The following PLPPR5 variants were observed in gnomAD, a reference collection of about 807,000 sequenced individuals.
PLPPR5 encodes phospholipid phosphatase related 5.
In PLPPR5, 16 loss-of-function variants were observed where a neutral mutation model predicts 33.9. The ratio of observed to expected loss-of-function variants is 0.47; its 90% CI spans 0.32 to 0.72. PLPPR5 has a LOEUF of 0.72. Ranked by LOEUF, PLPPR5 falls within the 30% of genes least tolerant of loss-of-function variation. The pLI is 0.03. For synonymous variants in PLPPR5, 163 were observed against 150.3 expected (o/e 1.08, Z -0.62); for missense variants, 301 against 406.7 (o/e 0.74, Z 2.23).
At chr1:98,939,852 C>T (rs1313084799) in intron 3 of PLPPR5, among the ~76,000 whole-genome samples, 1 of 151,856 alleles carries the variant, frequency 6.6e-6, no homozygotes, top group East Asian at 1.9e-4. Flanking sequence ...GCCTCATTTT[C>T]GAGCCTCTCC....
chr1:98,976,758 G>A (rs1269965238), intron 1 of PLPPR5, among the ~76,000 whole-genome samples: 4 of 152,012 alleles, frequency 2.6e-5, no homozygotes, highest in African/African-American at 9.7e-5. Flanking sequence ...TTACATGTTA[G>A]AATATTTTGC....
chr1:98,907,103 T>C (rs1220893418), intron 5 of PLPPR5, among the ~76,000 whole-genome samples: 1 of 152,182 alleles, frequency 6.6e-6, no homozygotes, highest in African/African-American at 2.4e-5. Context: ...ATGTGTCAGC[T>C]ATCTTTCATC....
At chr1:98,932,373 G>A (rs1217666019) in intron 3 of PLPPR5, among the ~76,000 whole-genome samples, 5 of 152,106 alleles carry the variant, frequency 3.3e-5, no homozygotes, top group Non-Finnish European at 4.4e-5. Flanking sequence ...TGGAGACAGG[G>A]GTTATGTTTG....
intron 2 of PLPPR5, among the ~76,000 whole-genome samples, 178 bp from the exon 3 acceptor site, chr1:98,953,498 C>T (rs1472456686): frequency 6.6e-6 from 1 of 151,608 alleles, no homozygotes; most frequent in Non-Finnish European, 1.5e-5. Context: ...CAGTTCTTTC[C>T]TTGGCTTTCT....
chr1:98,896,689 A>G (rs1648486456), intron 5 of PLPPR5, among the ~76,000 whole-genome samples: 1 of 152,128 alleles, frequency 6.6e-6, no homozygotes, highest in Non-Finnish European at 1.5e-5. Context: ...AAGAGAAAGC[A>G]AACACGTTTC....
chr1:98,988,369 G>A (rs934542901), intron 1 of PLPPR5, among the ~76,000 whole-genome samples: 7 of 152,016 alleles, frequency 4.6e-5, no homozygotes, highest in Non-Finnish European at 8.8e-5. Flanking sequence ...TTATAAATGG[G>A]ATAACTGTAG....
In PLPPR5 at chr1:98,891,356, A is replaced by T. The variant is rs1648267146; in HGVS notation, c.*1716T>A. ...TTGCTGATCTCTGTTGAAATTACAG[A>T]GGAAATTAAAAGTTTGCTTTCTTTA... On this transcript the variant is annotated 3_prime_UTR_variant, in exon 6 of 6. Transcript: ENST00000263177. 6.6e-6 allele frequency: 1 copy of T among 152,084 alleles called. No homozygotes were observed. Among genetic ancestry groups the T allele is most frequent in the Admixed American group, 6.6e-5 (1 of 15,240 alleles). The allele number at this position is 152,084 out of a possible 1,614,324, so 9.4% of individuals were successfully genotyped here. A position where few individuals can be genotyped will look rare whatever the true frequency, so the allele number is the denominator to read the frequency against.
At chr1:98,939,241 A>G (rs2101188977) in intron 3 of PLPPR5, among the ~76,000 whole-genome samples, 1 of 152,146 alleles carries the variant, frequency 6.6e-6, no homozygotes, top group African/African-American at 2.4e-5. Flanking sequence ...AAATCAATAA[A>G]ATAATGATTA....
Position 98,981,104 on chromosome 1 carries a change from T to C in PLPPR5, c.237+23331A>G, listed in dbSNP as rs1652046685. ...ATTCCTTAAAACTCTAAACCAATAT[T>C]ATATTTTTTCTCTTTAGTTTACTAA... On this transcript the variant is annotated intron_variant, in intron 1 of 5. Coordinates refer to ENST00000263177, the MANE Select transcript of PLPPR5 (RefSeq NM_001037317.2). Among the ~76,000 whole-genome samples, 3 of 152,064 alleles carry C rather than the reference T, an allele frequency of 2.0e-5. No homozygotes were observed. In the South Asian group the frequency reaches 6.2e-4, roughly 31 times the overall value.
chr1:98,960,409 G>A (rs1651194933), intron 1 of PLPPR5, among the ~76,000 whole-genome samples: 1 of 152,038 alleles, frequency 6.6e-6, no homozygotes, highest in Admixed American at 6.5e-5. Context: ...TCACCATGTT[G>A]GCCAGGCTGG....
chr1:98,962,970 T>C (rs114286823), intron 1 of PLPPR5, among the ~76,000 whole-genome samples: 3,232 of 152,250 alleles, frequency 0.021, 48 homozygotes, highest in African/African-American at 0.036. Context: ...ATTTACAATT[T>C]TCAGTGTGTC....
intron 1 of PLPPR5, among the ~76,000 whole-genome samples, chr1:98,964,515 G>A (rs1188269047): frequency 4.6e-5 from 7 of 152,306 alleles, no homozygotes; most frequent in Admixed American, 3.3e-4. Context: ...GGACTCTGCT[G>A]GTAGACAGAG....
chr1:98,993,016 A>G (rs1349677707), intron 1 of PLPPR5, among the ~76,000 whole-genome samples: 5 of 152,126 alleles, frequency 3.3e-5, no homozygotes, highest in African/African-American at 4.8e-5. Context: ...GTAAGCTGAA[A>G]TAACAATAGG....
At chr1:98,992,017 T>A (rs964984995) in intron 1 of PLPPR5, among the ~76,000 whole-genome samples, 3 of 152,204 alleles carry the variant, frequency 2.0e-5, no homozygotes, top group Non-Finnish European at 4.4e-5. Flanking sequence ...GGTACCCTTT[T>A]ATCTTATGCA....
rs1219943673 is a variant in PLPPR5, at chr1:98,890,917, A to G, written c.*2155T>C. On this transcript the variant is annotated 3_prime_UTR_variant, in exon 6 of 6. Coordinates refer to ENST00000263177, the MANE Select transcript of PLPPR5 (RefSeq NM_001037317.2). ...GTATCAGGTTTAGCAAGGTGCAAAG[A>G]AGCAACCTTGACATAAGAATATATG... 1.3e-5 allele frequency: 2 copies of G among 152,194 alleles called. No homozygotes were observed. Among genetic ancestry groups the G allele is most frequent in the African/African-American group, 2.4e-5 (1 of 41,436 alleles). 9.4% of individuals were successfully genotyped at this position (152,194 alleles called of 1,614,324 possible). A position where few individuals can be genotyped will look rare whatever the true frequency, so the allele number is the denominator to read the frequency against.
intron 1 of PLPPR5, among the ~76,000 whole-genome samples, chr1:98,994,971 C>T (rs951554007): frequency 5.9e-5 from 9 of 152,010 alleles, no homozygotes; most frequent in Non-Finnish European, 8.8e-5. Context: ...TCACATCAGT[C>T]AGAATGGCTA....
chr1:98,947,284 C>T (rs556802225), intron 3 of PLPPR5, among the ~76,000 whole-genome samples: 208 of 152,258 alleles, frequency 1.4e-3, no homozygotes, highest in Non-Finnish European at 2.4e-3. Context: ...TCTCATGCTG[C>T]TTAGTGGTTG....
upstream of PLPPR5, chr1:99,004,967 G>C (rs1290716192): frequency 6.2e-6 from 1 of 160,240 alleles, no homozygotes; most frequent in South Asian, 2.0e-4. Flanking sequence ...AGGGCGGGGA[G>C]TCCCGGGCGA....
intron 2 of PLPPR5, among the ~76,000 whole-genome samples, chr1:98,955,550 G>C (rs1331707165): frequency 6.6e-6 from 1 of 152,032 alleles, no homozygotes; most frequent in Non-Finnish European, 1.5e-5. Context: ...TGAGGGCTTT[G>C]GAGATACATA....
Sources: gnomAD v4.1 joint callset for allele counts (sites outside exome capture counted in the v4.1 genomes callset) on GRCh38, gnomAD v4.1.1 for gene constraint, MANE v1.5 for transcripts, NCBI Gene and HGNC (gene_info 2026-07-23, HGNC 2026-07-21) for gene names.